The following PROZ variants were observed in gnomAD, a reference collection of about 807,000 sequenced individuals.
PROZ encodes the protein protein Z, vitamin K dependent plasma glycoprotein.
In PROZ, 46 loss-of-function variants were observed where a neutral mutation model predicts 34.9. That is an observed-to-expected ratio of 1.32 (90% CI 1.04 to 1.69). PROZ has a LOEUF of 1.69. Ranked by LOEUF, PROZ falls within the 40% of genes most tolerant of loss-of-function variation. PROZ has a pLI of 0.00. For synonymous variants in PROZ, 195 were observed against 208.5 expected, an observed-to-expected ratio of 0.94 and a Z score of 0.56; for missense variants, 530 against 520.4, an observed-to-expected ratio of 1.02 and a Z score of -0.18.
At chr13:113,165,903 G>C (rs1425650746) in intron 6 of PROZ, among the ~76,000 whole-genome samples, 1 of 152,206 alleles carries the variant, frequency 6.6e-6, no homozygotes, top group Non-Finnish European at 1.5e-5. Context: ...CAAGTAGTCA[G>C]CTATTTCTCC....
chr13:113,168,255 G>A (rs1226460897), intron 6 of PROZ, among the ~76,000 whole-genome samples: 3 of 152,216 alleles, frequency 2.0e-5, no homozygotes, highest in African/African-American at 7.2e-5. Context: ...CTTTTCCAGT[G>A]TTCCTTGCTG....
intron 6 of PROZ, 59 bp downstream of exon 6, chr13:113,165,179 A>G: frequency 6.6e-7 from 1 of 1,524,496 alleles, no homozygotes; most frequent in Non-Finnish European, 9.0e-7. Context: ...CTCACTTGTC[A>G]TTTCCTAAAT....
chr13:113,159,122 A>C lies in PROZ; in HGVS notation c.70+392A>C. The C allele has an allele frequency of 1.3e-5, 15 of 1,185,492 alleles. No homozygotes were observed. Among genetic ancestry groups the C allele is most frequent in the Non-Finnish European group, 1.8e-5 (15 of 817,308 alleles). 73.4% of individuals were successfully genotyped at this position (1,185,492 alleles called of 1,614,324 possible). A position where few individuals can be genotyped will look rare whatever the true frequency, so the allele number is the denominator to read the frequency against. On this transcript the variant is annotated intron_variant, in intron 1 of 7. Coordinates refer to ENST00000375547, the MANE Select transcript of PROZ (RefSeq NM_003891.3). The surrounding 1 kb of genome is among the most constrained non-coding windows in gnomAD (Gnocchi z 4.6). ...AGAGAGAGCCTTGGCCAGGCCAGCC[A>C]GGAATGCCCAGTCTTGAGTCAGGAG... is the stretch of plus-strand genomic sequence containing the variant.
At position 113,171,188 on chromosome 13, in the gene PROZ, G is replaced by A. The variant is rs189965422; in HGVS notation, c.692-406G>A. Among the ~76,000 whole-genome samples the A allele has an allele frequency of 1.3e-5, 2 of 152,284 alleles. No individual in the cohort carries two copies. Among genetic ancestry groups the A allele is most frequent in the African/African-American group, 4.8e-5 (2 of 41,556 alleles). ...TCGACCTGCCTCGGCCTCCCGAAGCGCTGGGATTACAGATGTGAGCCACTG... is the reference window on the plus strand; with the variant it reads ...TCGACCTGCCTCGGCCTCCCGAAGCACTGGGATTACAGATGTGAGCCACTG... On this transcript the variant is annotated intron_variant, in intron 7 of 7. Transcript: ENST00000375547. This position sits in a 1 kb window ranked among gnomAD's most constrained non-coding sequence, Gnocchi z 5.1.
intron 6 of PROZ, among the ~76,000 whole-genome samples, chr13:113,168,316 G>A (rs1167422244): frequency 6.6e-6 from 1 of 152,142 alleles, no homozygotes; most frequent in Admixed American, 6.5e-5. Context: ...CCTGCCTAAA[G>A]GGCCCCTTTG....
In PROZ at chr13:113,168,006, G is replaced by A. The variant is rs1014110905; in HGVS notation, c.574-2407G>A. ...CCCTATCACAGTCCACTCCACTTTC[G>A]CCGACGCCACATCCGCTCGCTGTAG... On this transcript the variant is annotated intron_variant, in intron 6 of 7. Coordinates refer to ENST00000375547, the MANE Select transcript of PROZ (RefSeq NM_003891.3). Among the ~76,000 whole-genome samples, 15 of 152,118 alleles carry A rather than the reference G, an allele frequency of 9.9e-5. 1 individual carries two copies. The East Asian group carries it at 1.4e-3, about 14-fold the overall frequency.
intron 3 of PROZ, among the ~76,000 whole-genome samples, chr13:113,161,622 GAAGA>G: frequency 6.6e-6 from 1 of 152,262 alleles, no homozygotes; most frequent in African/African-American, 2.4e-5. Context: ...GCGTGCGGAC[GAAGA>G]AAGGGCACCC....
At chr13:113,160,342 G>A (rs539641514) in intron 2 of PROZ, among the ~76,000 whole-genome samples, 165 bp downstream of exon 2, 22 of 152,106 alleles carry the variant, frequency 1.4e-4, no homozygotes, top group African/African-American at 4.6e-4. Context: ...TTAGAGAATC[G>A]ACTTAATCCA....
At chr13:113,170,613 TG>T in intron 7 of PROZ, 83 bp downstream of exon 7, 1 of 896,936 alleles carries the variant, frequency 1.1e-6, no homozygotes. Flanking sequence ...AATTTAAAAC[TG>T]GACTGTTTCT....
rs2036725321 is a variant in PROZ, at chr13:113,159,553, C to T, written c.71-461C>T. On this transcript the variant is annotated intron_variant, in intron 1 of 7. Transcript: ENST00000375547. This position sits in a 1 kb window ranked among gnomAD's most constrained non-coding sequence, Gnocchi z 4.6. ...CGGGTCAACTCATTTGCCTTCTCCT[C>T]CTGGAAATCGCAGAGCCTGCTGCAA... 6.6e-6 allele frequency among the ~76,000 whole-genome samples: 1 copy of T among 152,208 alleles called. No homozygotes were observed. Among genetic ancestry groups the T allele is most frequent in the Non-Finnish European group, 1.5e-5 (1 of 68,042 alleles).
chr13:113,161,707 G>A (rs1448169546), intron 3 of PROZ, among the ~76,000 whole-genome samples: 1 of 152,010 alleles, frequency 6.6e-6, no homozygotes, highest in Non-Finnish European at 1.5e-5. Context: ...CCAGGCGATG[G>A]CATGGGGAGC....
Position 113,170,372 on chromosome 13 carries a change from A to C in PROZ, c.574-41A>C, listed in dbSNP as rs1425884217. The C allele has an allele frequency of 2.3e-6, 3 of 1,281,424 alleles. No individual in the cohort carries two copies. The African/African-American group carries it at 4.4e-5, about 19-fold the overall frequency. The allele number at this position is 1,281,424 out of a possible 1,614,324, so 79.4% of individuals were successfully genotyped here. The stretch of plus-strand genomic sequence containing the variant: ...AGACTTTACTGCCCCTAATCCTGCA[A>C]ATTGTCACCAGCTATTTATTGTCTG... On this transcript the variant is annotated intron_variant, in intron 6 of 7. Transcript: ENST00000375547.
chr13:113,163,242 C>A, intron 4 of PROZ, 120 bp downstream of exon 4: 1 of 841,780 alleles, frequency 1.2e-6, no homozygotes, highest in Non-Finnish European at 1.9e-6. Context: ...CTGTGTGAAC[C>A]GCGATTTGGC....
rs2037115765 is a variant in PROZ, at chr13:113,171,672, C to CG, written c.775dup (p.Glu259GlyfsTer3). On this transcript the variant is annotated frameshift_variant, in exon 8 of 8. Transcript: ENST00000375547. LOFTEE classifies it low-confidence loss of function (END_TRUNC). The surrounding 1 kb of genome is among the most constrained non-coding windows in gnomAD (Gnocchi z 5.1). ...GTGCACATGCGGTATGACGCGGACGCGGGGGAGAATGACCTGTCACTGCTG... is the reference window on the plus strand; with the variant it reads ...GTGCACATGCGGTATGACGCGGACGCGGGGGGAGAATGACCTGTCACTGCTG... The CG allele has an allele frequency of 4.3e-6, 7 of 1,614,000 alleles. No individual in the cohort carries two copies. Among genetic ancestry groups the CG allele is most frequent in the Non-Finnish European group, 5.9e-6 (7 of 1,180,008 alleles).
chr13:113,163,814 C>T (rs2036824803), intron 4 of PROZ, among the ~76,000 whole-genome samples: 1 of 151,740 alleles, frequency 6.6e-6, no homozygotes, highest in Non-Finnish European at 1.5e-5. Flanking sequence ...CAGCCACCAC[C>T]GATGTCACAC....
chr13:113,163,184 C>T (rs1042154059), intron 4 of PROZ, 62 bp downstream of exon 4: 50 of 1,360,058 alleles, frequency 3.7e-5, no homozygotes, highest in African/African-American at 8.7e-5. Context: ...CTCACATCCT[C>T]GGCCAGAGTC....
chr13:113,170,345 G>T lies in PROZ; in HGVS notation c.574-68G>T, dbSNP rs761307943. On this transcript the variant is annotated intron_variant, in intron 6 of 7. Transcript: ENST00000375547. Reference sequence around the variant, plus strand: ...GGGGGGTGGTCCATATCCCTATCCAGTAGACTTTACTGCCCCTAATCCTGC... The same window carrying T: ...GGGGGGTGGTCCATATCCCTATCCATTAGACTTTACTGCCCCTAATCCTGC... 3.6e-5 allele frequency: 35 copies of T among 973,830 alleles called. 1 individual carries two copies. In the Middle Eastern group the frequency reaches 1.0e-3, roughly 28 times the overall value. The allele number at this position is 973,830 out of a possible 1,614,324, so 60.3% of individuals were successfully genotyped here.
At chr13:113,165,722 G>A (rs530870190) in intron 6 of PROZ, among the ~76,000 whole-genome samples, 24 of 152,186 alleles carry the variant, frequency 1.6e-4, no homozygotes, top group Non-Finnish European at 8.8e-5. Flanking sequence ...GTAGAGACGG[G>A]GTTTCACCAT....
intron 2 of PROZ, 68 bp downstream of exon 2, chr13:113,160,245 A>C (rs1400175622): frequency 6.4e-7 from 1 of 1,559,616 alleles, no homozygotes; most frequent in African/African-American, 1.4e-5. Context: ...AGGGAGCATC[A>C]TTTCTCAGAG....
Sources: gnomAD v4.1 joint callset for allele counts (sites outside exome capture counted in the v4.1 genomes callset) on GRCh38, gnomAD v4.1.1 for gene constraint, Gnocchi (gnomAD v3.1) non-coding constraint, MANE v1.5 for transcripts, NCBI Gene and HGNC (gene_info 2026-07-23, HGNC 2026-07-21) for gene names.